Variants in TMEM63C observed in about 807,000 individuals in gnomAD.
The protein encoded by TMEM63C is osmosensitive cation channel TMEM63C.
In TMEM63C, 32 loss-of-function variants were observed where a neutral mutation model predicts 99.2. The ratio of observed to expected loss-of-function variants is 0.32; its 90% CI spans 0.24 to 0.43. The LOEUF is 0.43. Ranked by LOEUF, TMEM63C falls within the 20% of genes least tolerant of loss-of-function variation. The pLI is 1.00. For synonymous variants in TMEM63C, 376 were observed against 397.9 expected, an observed-to-expected ratio of 0.94 and a Z score of 0.66; for missense variants, 826 against 1,053.0, an observed-to-expected ratio of 0.78 and a Z score of 2.98.
At chr14:77,246,247 C>T (rs1889267013) in intron 17 of TMEM63C, among the ~76,000 whole-genome samples, 1 of 152,226 alleles carries the variant, frequency 6.6e-6, no homozygotes, top group African/African-American at 2.4e-5. Context: ...GCTGGGGACA[C>T]AAGGCGTGCT....
intron 1 of TMEM63C, among the ~76,000 whole-genome samples, chr14:77,194,835 G>A (rs977744642): frequency 1.3e-5 from 2 of 151,772 alleles, no homozygotes; most frequent in Non-Finnish European, 2.9e-5. Flanking sequence ...TCCCACCTCG[G>A]CCTCCCAAAG....
intron 12 of TMEM63C, among the ~76,000 whole-genome samples, chr14:77,240,269 C>A (rs138792644): frequency 5.9e-5 from 9 of 152,326 alleles, no homozygotes; most frequent in Middle Eastern, 6.8e-3. Flanking sequence ...CCTCACTTTC[C>A]CCAGATCTAA....
intron 5 of TMEM63C, among the ~76,000 whole-genome samples, chr14:77,224,032 T>C (rs1888773138): frequency 6.6e-6 from 1 of 151,992 alleles, no homozygotes; most frequent in Non-Finnish European, 1.5e-5. Context: ...ACCATGCTAT[T>C]TCCCTTCCTT....
At chr14:77,241,492 A>T (rs1480430729) in intron 13 of TMEM63C, among the ~76,000 whole-genome samples, 1 of 150,886 alleles carries the variant, frequency 6.6e-6, no homozygotes, top group African/African-American at 2.4e-5. Context: ...TCTCTTAAGA[A>T]CTGTGGGGGG....
At chr14:77,220,271 A>G (rs1281777053) in intron 5 of TMEM63C, among the ~76,000 whole-genome samples, 184 bp downstream of exon 5, 1 of 152,194 alleles carries the variant, frequency 6.6e-6, no homozygotes, top group Non-Finnish European at 1.5e-5. Flanking sequence ...CACCTGAAAG[A>G]TGGAGTTATT....
At chr14:77,223,003 G>A (rs143372035) in intron 5 of TMEM63C, among the ~76,000 whole-genome samples, 90 of 152,226 alleles carry the variant, frequency 5.9e-4, no homozygotes, top group East Asian at 2.9e-3. Flanking sequence ...TGTCAGTTGC[G>A]CTAAGTAAGC....
intron 1 of TMEM63C, among the ~76,000 whole-genome samples, chr14:77,198,912 C>G (rs562019911): frequency 6.6e-6 from 1 of 152,176 alleles, no homozygotes; most frequent in Non-Finnish European, 1.5e-5. Context: ...TCTTTATCCA[C>G]TTGAAGAATG....
At position 77,253,589 on chromosome 14, in the gene TMEM63C, G is replaced by A. The variant is rs182660908; in HGVS notation, c.2220+213G>A. Among the ~76,000 whole-genome samples, 285 of 152,300 alleles carry A rather than the reference G, an allele frequency of 1.9e-3. 6 individuals are homozygous for A. Among genetic ancestry groups the A allele is most frequent in the Non-Finnish European group, 1.1e-3 (75 of 68,018 alleles). Reference sequence around the variant, plus strand: ...GATGAAGAGTGAGAAAAAGAGAAGAGCCACCGTGTACTCGGCATTGTCTGG... The same window carrying A: ...GATGAAGAGTGAGAAAAAGAGAAGAACCACCGTGTACTCGGCATTGTCTGG... On this transcript the variant is annotated intron_variant, in intron 23 of 23. Coordinates refer to ENST00000298351, the MANE Select transcript of TMEM63C (RefSeq NM_020431.4).
intron 1 of TMEM63C, among the ~76,000 whole-genome samples, chr14:77,207,987 C>G (rs1282912344): frequency 6.6e-6 from 1 of 152,150 alleles, no homozygotes; most frequent in African/African-American, 2.4e-5. Context: ...GAACCAGCCC[C>G]CCAGCTCAGG....
intron 13 of TMEM63C, 52 bp downstream of exon 13, chr14:77,240,660 G>A (rs1043064023): frequency 4.4e-5 from 70 of 1,586,262 alleles, no homozygotes; most frequent in Admixed American, 6.8e-5. Flanking sequence ...CCTGCTTCTC[G>A]GCACTCTCCT....
At chr14:77,210,983 A>G (rs1032284445) in intron 1 of TMEM63C, among the ~76,000 whole-genome samples, 6 of 152,154 alleles carry the variant, frequency 3.9e-5, no homozygotes, top group Non-Finnish European at 8.8e-5. Flanking sequence ...CACATGTCCT[A>G]TGGACCAGTT....
chr14:77,253,586 A>AGAGCCACC (rs1277781342), intron 23 of TMEM63C, among the ~76,000 whole-genome samples: 3 of 152,220 alleles, frequency 2.0e-5, no homozygotes, highest in African/African-American at 7.2e-5. Context: ...GAAAAAGAGA[A>AGAGCCACC]GAGCCACCGT....
rs758359478 is a variant in TMEM63C, at chr14:77,243,029, C to T, written c.1314C>T (p.Asn438=). Residue 438 remains asparagine (N), a synonymous_variant, in exon 15 of 24, where the codon AAC becomes AAT. Coordinates refer to ENST00000298351, the MANE Select transcript of TMEM63C (RefSeq NM_020431.4). ...TCATGAACACTATCGACATGTACAA[C>T]GTCACCCGCCCCATCGAGAAGCTGC... The part of the protein sequence containing the change: ...AIIMNTIDMY[N]VTRPIEKLQN... 13 of 1,613,790 alleles carry T rather than the reference C, an allele frequency of 8.1e-6. No individual in the cohort carries two copies. Among genetic ancestry groups the T allele is most frequent in the East Asian group, 2.2e-5 (1 of 44,890 alleles).
chr14:77,184,442 A>G (rs1887963943), intron 1 of TMEM63C, among the ~76,000 whole-genome samples: 1 of 152,086 alleles, frequency 6.6e-6, no homozygotes, highest in Non-Finnish European at 1.5e-5. Flanking sequence ...CTCGAATTCC[A>G]CGACCTCTGC....
intron 1 of TMEM63C, among the ~76,000 whole-genome samples, chr14:77,199,136 TAAG>T (rs1456257608): frequency 1.3e-5 from 2 of 152,146 alleles, no homozygotes; most frequent in African/African-American, 4.8e-5. Context: ...GCTGCGTTAT[TAAG>T]AAGAATGGTC....
intron 10 of TMEM63C, 117 bp from the exon 11 acceptor site, chr14:77,239,295 C>A: frequency 2.1e-6 from 2 of 966,230 alleles, no homozygotes; most frequent in East Asian, 2.5e-5. Flanking sequence ...GTATCCCATC[C>A]AGGAACACCA....
At chr14:77,253,711 G>A (rs977479010) in intron 23 of TMEM63C, among the ~76,000 whole-genome samples, 5 of 152,344 alleles carry the variant, frequency 3.3e-5, no homozygotes, top group South Asian at 2.1e-4. Flanking sequence ...TTGGCCTCGG[G>A]ACCAAAGGCT....
At chr14:77,188,410 C>T (rs1306430304) in intron 1 of TMEM63C, among the ~76,000 whole-genome samples, 4 of 152,172 alleles carry the variant, frequency 2.6e-5, no homozygotes, top group Non-Finnish European at 5.9e-5. Flanking sequence ...AATAGCAATA[C>T]AAAGCTCCAT....
At chr14:77,182,518 G>T (rs570637424) in intron 1 of TMEM63C, among the ~76,000 whole-genome samples, 1 of 152,302 alleles carries the variant, frequency 6.6e-6, no homozygotes, top group South Asian at 2.1e-4. Context: ...GAGGCCCAGG[G>T]GTGCTGTGGC....
Sources: allele counts gnomAD v4.1 joint callset (sites outside exome capture counted in the v4.1 genomes callset), GRCh38; gene constraint gnomAD v4.1.1; transcripts MANE v1.5; gene names NCBI Gene and HGNC (gene_info 2026-07-23, HGNC 2026-07-21).